GPR39: variants seen among roughly 807,000 people sequenced by gnomAD.
GPR39 encodes G protein-coupled receptor 39.
GPR39 carries 23 observed loss-of-function variants against 18.4 expected under a neutral mutation model. The ratio of observed to expected loss-of-function variants is 1.25; its 90% CI spans 0.90 to 1.77. The LOEUF (loss-of-function observed/expected upper bound fraction) is 1.77, where lower values mean the gene tolerates loss of function less well. Ranked by LOEUF, GPR39 falls within the 40% of genes most tolerant of loss-of-function variation. The pLI is 0.00. For missense variants in GPR39, 647 were observed against 602.4 expected, an observed-to-expected ratio of 1.07 and a Z score of -0.78; for synonymous variants, 280 against 257.9, an observed-to-expected ratio of 1.09 and a Z score of -0.82.
rs141264993 is a variant in GPR39 at position 132,448,505 on chromosome 2, C to T, written c.856+30607C>T. 2.0e-5 allele frequency among the ~76,000 whole-genome samples: 3 copies of T among 152,266 alleles called. No homozygotes were observed. In the East Asian group the frequency reaches 5.8e-4, roughly 29 times the overall value. ...GTCGTCAGGTTACTGGGTGCTGACC[C>T]CTGGGATTTGTCAAACACACGTCAG... On this transcript the variant is annotated intron_variant, in intron 1 of 1. Transcript: ENST00000329321.
At chr2:132,599,789 C>T (rs544344598) in intron 1 of GPR39, among the ~76,000 whole-genome samples, 199 of 152,248 alleles carry the variant, frequency 1.3e-3, no homozygotes, top group Non-Finnish European at 2.6e-3. Context: ...GTCAGCAGAC[C>T]ATTCAAGCTG....
intron 1 of GPR39, among the ~76,000 whole-genome samples, chr2:132,644,492 A>G (rs1407744018): frequency 6.6e-6 from 1 of 152,254 alleles, no homozygotes. Context: ...CATCATGATT[A>G]TAGGTGTGCA....
intron 1 of GPR39, among the ~76,000 whole-genome samples, chr2:132,629,339 G>A (rs1681607469): frequency 6.6e-6 from 1 of 152,148 alleles, no homozygotes; most frequent in African/African-American, 2.4e-5. Context: ...AAGCTCTCGG[G>A]ATATCCCATG....
chr2:132,620,441 T>C (rs534625999), intron 1 of GPR39, among the ~76,000 whole-genome samples: 2 of 152,262 alleles, frequency 1.3e-5, no homozygotes, highest in Non-Finnish European at 2.9e-5. Flanking sequence ...CCCATCTCAG[T>C]TTCCTGGGAC....
At chr2:132,483,314 A>G (rs752181985) in intron 1 of GPR39, among the ~76,000 whole-genome samples, 1 of 152,228 alleles carries the variant, frequency 6.6e-6, no homozygotes, top group Non-Finnish European at 1.5e-5. Flanking sequence ...CCAAGGTACA[A>G]GGTCACCTCT....
At chr2:132,496,191 T>C (rs188066773) in intron 1 of GPR39, among the ~76,000 whole-genome samples, 39 of 152,328 alleles carry the variant, frequency 2.6e-4, no homozygotes, top group African/African-American at 8.9e-4. Context: ...AAAGTCCTGA[T>C]GCTGTTTTGC....
intron 1 of GPR39, among the ~76,000 whole-genome samples, chr2:132,601,277 A>G (rs1019541724): frequency 5.9e-5 from 9 of 152,178 alleles, no homozygotes; most frequent in African/African-American, 1.9e-4. Flanking sequence ...ATCAAATGGG[A>G]TTCATTCCAG....
intron 1 of GPR39, among the ~76,000 whole-genome samples, chr2:132,419,669 A>G (rs900326595): frequency 6.6e-6 from 1 of 152,244 alleles, no homozygotes; most frequent in Non-Finnish European, 1.5e-5. Context: ...CCCTTCCTCC[A>G]TAAATATTCC....
Position 132,424,398 on chromosome 2 carries a change from A to G in GPR39, c.856+6500A>G, listed in dbSNP as rs183250867. Among the ~76,000 whole-genome samples the G allele has an allele frequency of 4.6e-5, 7 of 152,242 alleles. No homozygotes were observed. In the East Asian group the frequency reaches 1.4e-3, roughly 29 times the overall value. ...TCCACTTGCAGCCATCTCTCTCAAG[A>G]GTGAGCCACACTTATCACCCCAGGG... On this transcript the variant is annotated intron_variant, in intron 1 of 1. Coordinates refer to ENST00000329321, the MANE Select transcript of GPR39 (RefSeq NM_001508.3).
intron 1 of GPR39, among the ~76,000 whole-genome samples, chr2:132,621,141 G>A (rs1049034399): frequency 1.3e-5 from 2 of 152,076 alleles, no homozygotes; most frequent in African/African-American, 2.4e-5. Context: ...CCCTTTGACC[G>A]CAGCTGCTTC....
At chr2:132,483,802 G>C (rs1681280603) in intron 1 of GPR39, among the ~76,000 whole-genome samples, 1 of 152,104 alleles carries the variant, frequency 6.6e-6, no homozygotes, top group Admixed American at 6.5e-5. Context: ...GGCATCTGGA[G>C]ACCTGCTTCC....
At chr2:132,457,253 A>T (rs4513343) in intron 1 of GPR39, among the ~76,000 whole-genome samples, 150,811 of 152,316 alleles carry the variant, frequency 0.99, 74,682 homozygotes, top group East Asian at 1. Flanking sequence ...TGAAACCCTT[A>T]CTTCCACTTG....
At chr2:132,499,414 C>T (rs941416688) in intron 1 of GPR39, among the ~76,000 whole-genome samples, 1 of 152,040 alleles carries the variant, frequency 6.6e-6, no homozygotes, top group African/African-American at 2.4e-5. Context: ...GGTCTAGGTG[C>T]CTATTTTTAT....
chr2:132,417,813 G>T lies in GPR39; in HGVS notation c.771G>T (p.Leu257=). The change falls in exon 1 of 2, where the codon CTG becomes CTT. Residue 257 remains leucine (L), a synonymous_variant. Coordinates refer to ENST00000329321, the MANE Select transcript of GPR39 (RefSeq NM_001508.3). ...QVLMKSQKGS[L]AGGTRPPQLR... is the part of the protein sequence containing the mutation. ...TCATGAAAAGCCAGAAGGGCTCGCT[G>T]GCCGGGGGCACGCGGCCTCCGCAGC... The T allele has an allele frequency of 1.2e-6, 2 of 1,614,008 alleles. No homozygotes were observed. The highest frequency in any genetic ancestry group is 1.7e-6 in the Non-Finnish European group (2 of 1,180,038).
chr2:132,593,365 T>G (rs577548527), intron 1 of GPR39, among the ~76,000 whole-genome samples: 1 of 152,318 alleles, frequency 6.6e-6, no homozygotes, highest in Non-Finnish European at 1.5e-5. Flanking sequence ...GTTTTTCTGG[T>G]GTGACTTGCC....
At chr2:132,624,341 C>T (rs1247852289) in intron 1 of GPR39, among the ~76,000 whole-genome samples, 1 of 152,232 alleles carries the variant, frequency 6.6e-6, no homozygotes, top group East Asian at 1.9e-4. Context: ...TCGTTAAGAC[C>T]CTATCTCCAA....
In GPR39 at chr2:132,646,268, C is replaced by CGGTACATGATCCCTGTAACACAG. The variant is rs1411376774; in HGVS notation, c.*663_*685dup. ...GGCCGCTGATGATGCACAGGACTTG[C>CGGTACATGATCCCTGTAACACAG]GGTACATGATCCCTGTAACACAGAC... On this transcript the variant is annotated 3_prime_UTR_variant, in exon 2 of 2. Transcript: ENST00000329321. The CGGTACATGATCCCTGTAACACAG allele has an allele frequency of 6.4e-7, 1 of 1,551,210 alleles. No individual in the cohort carries two copies.
intron 1 of GPR39, among the ~76,000 whole-genome samples, chr2:132,516,020 A>G (rs567014490): frequency 4.6e-5 from 7 of 152,310 alleles, no homozygotes; most frequent in African/African-American, 1.7e-4. Flanking sequence ...CTGTTATCGG[A>G]GTCCCAGCCA....
Position 132,560,474 on chromosome 2 carries a change from C to T in GPR39, c.857-84627C>T, listed in dbSNP as rs564649383. On this transcript the variant is annotated intron_variant, in intron 1 of 1. Transcript: ENST00000329321. ...TCACACTTGTAGTTTCTCTCTCCTT[C>T]GTCTCATCTGTTCTATGTAATCTAT... is the stretch of plus-strand genomic sequence containing the variant. 2.2e-4 allele frequency among the ~76,000 whole-genome samples: 34 copies of T among 152,286 alleles called. No individual in the cohort carries two copies. In the South Asian group the frequency reaches 5.0e-3, roughly 22 times the overall value.
Sources: allele counts gnomAD v4.1 joint callset (sites outside exome capture counted in the v4.1 genomes callset), GRCh38; gene constraint gnomAD v4.1.1; transcripts MANE v1.5; gene names NCBI Gene and HGNC (gene_info 2026-07-23, HGNC 2026-07-21).